The following ZNF536 variants were observed in gnomAD, a reference collection of about 807,000 sequenced individuals.
The protein encoded by ZNF536 is zinc finger protein 536.
In ZNF536, 13 loss-of-function variants were observed where a neutral mutation model predicts 84.5. That is an observed-to-expected ratio of 0.15 (90% CI 0.10 to 0.24). The LOEUF is 0.24. ZNF536 is among the 10% of genes least tolerant of loss of function. The probability of loss-of-function intolerance (pLI) is 1.00; values close to 1 mark genes in which losing one functional copy is unlikely to be tolerated. For missense variants in ZNF536, 1,536 were observed against 1,747.5 expected (o/e 0.88, Z 2.16); for synonymous variants, 811 against 742.5 (o/e 1.09, Z -1.50).
chr19:30,255,961 G>T (rs1032231535), intron 1 of ZNF536, among the ~76,000 whole-genome samples: 1 of 152,212 alleles, frequency 6.6e-6, no homozygotes, highest in South Asian at 2.1e-4. Context: ...CATTGGGCTG[G>T]GGGGAGAGTG....
chr19:30,293,182 G>A (rs1267370183), intron 2 of ZNF536, among the ~76,000 whole-genome samples: 1 of 152,136 alleles, frequency 6.6e-6, no homozygotes, highest in Non-Finnish European at 1.5e-5. Context: ...CTGATGGTCA[G>A]TGGGTTCGTT....
At chr19:30,272,268 A>G (rs984237967) in intron 1 of ZNF536, among the ~76,000 whole-genome samples, 1 of 152,182 alleles carries the variant, frequency 6.6e-6, no homozygotes, top group Non-Finnish European at 1.5e-5. Flanking sequence ...GCAGTTTTAA[A>G]TATCCAATAA....
At chr19:30,391,849 G>T (rs2049603329) in intron 1 of ZNF536, among the ~76,000 whole-genome samples, 1 of 152,114 alleles carries the variant, frequency 6.6e-6, no homozygotes, top group Non-Finnish European at 1.5e-5. Flanking sequence ...AATTATAATT[G>T]CCTCTCAAAC....
chr19:30,612,235 A>G (rs913639641), intron 1 of ZNF536, among the ~76,000 whole-genome samples: 2 of 152,194 alleles, frequency 1.3e-5, no homozygotes, highest in African/African-American at 4.8e-5. Flanking sequence ...TCCAAGATCA[A>G]TTAAGTGGAG....
rs535991582 is a variant in ZNF536, at chr19:30,445,684, G to T, written c.2122G>T (p.Gly708Trp). ...SGVGGGLSQTGSAQEDSPHPS... is the reference protein window; with the variant it reads ...SGVGGGLSQTWSAQEDSPHPS... ...GGTCGGAGGCGGCCTCTCCCAGACCGGGAGTGCCCAGGAGGACAGCCCGCA... is the reference window on the plus strand; with the variant it reads ...GGTCGGAGGCGGCCTCTCCCAGACCTGGAGTGCCCAGGAGGACAGCCCGCA... The change falls in exon 2 of 5, where the codon GGG (glycine) becomes TGG (tryptophan). Residue 708 changes from glycine to tryptophan, a missense_variant. Gly to Trp is a radical substitution (Grantham distance 184). This residue lies in a region of ZNF536 where 148 missense variants were observed against 205.4 expected (regional missense o/e 0.72). Transcript: ENST00000355537. This position sits in a 1 kb window ranked among gnomAD's most constrained non-coding sequence, Gnocchi z 4.5. 1 of 1,601,634 alleles carries T rather than the reference G, an allele frequency of 6.2e-7. No homozygotes were observed. Among genetic ancestry groups the T allele is most frequent in the Non-Finnish European group, 8.5e-7 (1 of 1,173,372 alleles).
At chr19:30,442,551 T>A (rs977363771) in intron 1 of ZNF536, among the ~76,000 whole-genome samples, 8 of 152,190 alleles carry the variant, frequency 5.3e-5, no homozygotes, top group African/African-American at 1.9e-4. Flanking sequence ...CCAATCAAAG[T>A]CCCTGCTTTG....
intron 1 of ZNF536, among the ~76,000 whole-genome samples, chr19:30,685,666 C>T (rs1177821361): frequency 6.6e-6 from 1 of 152,150 alleles, no homozygotes; most frequent in Non-Finnish European, 1.5e-5. Flanking sequence ...GGGATTTGTA[C>T]ATATTACATA....
At chr19:30,709,692 C>T (rs1270485946) in intron 1 of ZNF536, among the ~76,000 whole-genome samples, 1 of 152,342 alleles carries the variant, frequency 6.6e-6, no homozygotes, top group Non-Finnish European at 1.5e-5. Flanking sequence ...CTGGTACCAT[C>T]ATAGCTCACT....
intron 3 of ZNF536, among the ~76,000 whole-genome samples, chr19:30,545,088 G>A (rs543844409): frequency 7.2e-5 from 11 of 152,314 alleles, no homozygotes; most frequent in East Asian, 3.9e-4. Flanking sequence ...GGAAAGTCCC[G>A]AAAGATCCCG....
At chr19:30,392,214 C>A (rs1274782481) in intron 1 of ZNF536, among the ~76,000 whole-genome samples, 1 of 152,148 alleles carries the variant, frequency 6.6e-6, no homozygotes, top group Non-Finnish European at 1.5e-5. Flanking sequence ...GGAGGCCCAG[C>A]GCTCTCATGG....
chr19:30,500,997 T>G (rs891164777), intron 2 of ZNF536, among the ~76,000 whole-genome samples: 4 of 152,174 alleles, frequency 2.6e-5, no homozygotes, highest in Admixed American at 6.5e-5. Flanking sequence ...TGTTCAGGAT[T>G]GGAGCGAGAA....
chr19:30,375,018 C>G (rs2048757105), intron 1 of ZNF536, among the ~76,000 whole-genome samples: 1 of 151,724 alleles, frequency 6.6e-6, no homozygotes, highest in African/African-American at 2.4e-5. Context: ...GCTCTGGGAG[C>G]GGGGGAAGGT....
Position 30,443,578 on chromosome 19 carries a change from C to T in ZNF536, c.16C>T (p.Leu6=). The part of the protein sequence containing the change: MEEAS[L]CLGVSSAEPE... ...CTTTTCAGGGATGGAAGAAGCGAGC[C>T]TGTGCCTTGGAGTGTCTTCGGCGGA... The change falls in exon 2 of 5, where the codon CTG becomes TTG. Residue 6 remains leucine, a synonymous_variant. Transcript: ENST00000355537. The T allele has an allele frequency of 6.4e-7, 1 of 1,552,470 alleles. No homozygotes were observed. The highest frequency in any genetic ancestry group is 8.7e-7 in the Non-Finnish European group (1 of 1,152,358).
At position 30,600,156 on chromosome 19, in the gene ZNF536, G is replaced by C. The variant is rs140424508; in HGVS notation, c.169+50642G>C. On this transcript the variant is annotated intron_variant, in intron 1 of 1. Coordinates refer to the ZNF536 transcript ENST00000592773. ...TGCCCAGGCTGGACTGCATTGGCTT[G>C]ATTTCAGCTCATTGCAATCTCCACC... 3.7e-3 allele frequency among the ~76,000 whole-genome samples: 553 copies of C among 151,414 alleles called. 1 individual carries two copies. The highest frequency in any genetic ancestry group is 0.013 in the African/African-American group (522 of 41,276).
chr19:30,473,138 G>A (rs1000166596), intron 2 of ZNF536, among the ~76,000 whole-genome samples: 1 of 151,896 alleles, frequency 6.6e-6, no homozygotes, highest in African/African-American at 2.4e-5. Context: ...CCCAGGAGGT[G>A]GAGGTTGCAG....
At chr19:30,457,112 G>T (rs556711023) in intron 2 of ZNF536, among the ~76,000 whole-genome samples, 20 of 152,144 alleles carry the variant, frequency 1.3e-4, no homozygotes, top group South Asian at 8.3e-4. Context: ...ACAGCCTCTA[G>T]GTGCTGGACA....
At chr19:30,702,944 G>T (rs764530432) in intron 1 of ZNF536, among the ~76,000 whole-genome samples, 2 of 152,220 alleles carry the variant, frequency 1.3e-5, no homozygotes, top group African/African-American at 2.4e-5. Context: ...CTGACAGTCT[G>T]CCTGGTGGGG....
At chr19:30,579,239 C>G (rs893779038) in intron 1 of ZNF536, among the ~76,000 whole-genome samples, 2 of 152,284 alleles carry the variant, frequency 1.3e-5, no homozygotes, top group South Asian at 2.1e-4. Flanking sequence ...AATGGGTTTT[C>G]CATGACAGCT....
chr19:30,226,986 C>CAAAA (rs373104006), upstream of ZNF536, among the ~76,000 whole-genome samples: 2 of 142,630 alleles, frequency 1.4e-5, no homozygotes, highest in Non-Finnish European at 3.1e-5. This position sits in a 1 kb window ranked among gnomAD's most constrained non-coding sequence, Gnocchi z 4.6. Context: ...GTATTTTAGG[C>CAAAA]AAAAAAAAAA....
Sources: gnomAD v4.1 joint callset for allele counts (sites outside exome capture counted in the v4.1 genomes callset) on GRCh38, gnomAD v4.1.1 for gene constraint, gnomAD v4.1.1 regional missense constraint, Gnocchi (gnomAD v3.1) non-coding constraint, MANE v1.5 for transcripts, NCBI Gene and HGNC (gene_info 2026-07-23, HGNC 2026-07-21) for gene names.